The following PFKM variants were observed in gnomAD, a reference collection of about 807,000 sequenced individuals.
PFKM encodes the protein ATP-dependent 6-phosphofructokinase, muscle type.
A neutral mutation model predicts 95.5 loss-of-function variants in PFKM; 58 were observed. The observed-to-expected ratio is 0.61, with a 90% CI of 0.49 to 0.76. The LOEUF (loss-of-function observed/expected upper bound fraction) is 0.76. Ranked by LOEUF, PFKM falls within the 30% of genes least tolerant of loss-of-function variation. The pLI, the probability that PFKM is intolerant of heterozygous loss-of-function variation, is 0.00. For missense variants in PFKM, 678 were observed against 1,005.4 expected (o/e 0.67, Z 4.40); for synonymous variants, 336 against 357.2 (o/e 0.94, Z 0.67).
intron 2 of PFKM, chr12:48,107,531 G>A (rs1178940398): frequency 1.1e-6 from 1 of 933,004 alleles, no homozygotes. Context: ...CAGGATGTGA[G>A]GCTTTCTAGT....
At position 48,113,020 on chromosome 12, in the gene PFKM, T is replaced by C. The variant is rs1370509656; in HGVS notation, c.205+4826T>C. Among the ~76,000 whole-genome samples, 2 of 152,000 alleles carry C rather than the reference T, an allele frequency of 1.3e-5. 1 individual carries two copies. Among genetic ancestry groups the C allele is most frequent in the African/African-American group, 4.8e-5 (2 of 41,370 alleles). On this transcript the variant is annotated intron_variant, in intron 3 of 24. Transcript: ENST00000340802. ...CAAGGAGAGGATATGAAGGAGACTT[T>C]GAACTGGGAAAAAAGGCAGCAATGA...
At chr12:48,133,789 G>A (rs1565888007) in intron 6 of PFKM, among the ~76,000 whole-genome samples, 1 of 152,134 alleles carries the variant, frequency 6.6e-6, no homozygotes, top group Non-Finnish European at 1.5e-5. Flanking sequence ...CCAGACATGA[G>A]CTACGCTTTC....
rs1350163599 is a variant in PFKM, at chr12:48,137,825, C to T, written c.1041C>T (p.Pro347=). The T allele has an allele frequency of 3.1e-6, 5 of 1,614,058 alleles. No homozygotes were observed. The highest frequency in any genetic ancestry group is 4.2e-6 in the Non-Finnish European group (5 of 1,180,022). ...SLSGNQAVRL[P]LMECVQVTKD... is the part of the protein sequence containing the mutation. ...CTGGTAACCAGGCTGTGCGCCTGCC[C>T]CTCATGGAATGTGTCCAGGTGGTAA... Residue 347 remains proline (P), a synonymous_variant, in exon 11 of 23, where the codon CCC becomes CCT. Coordinates refer to ENST00000359794, the MANE Select transcript of PFKM (RefSeq NM_000289.6).
At chr12:48,135,612 T>TTTTTG (rs1950007957) in intron 10 of PFKM, among the ~76,000 whole-genome samples, 3 of 152,172 alleles carry the variant, frequency 2.0e-5, no homozygotes, top group African/African-American at 4.8e-5. Flanking sequence ...GAACAATATC[T>TTTTTG]TTTTGTTTTG....
chr12:48,141,282 G>A, intron 14 of PFKM, 29 bp from the exon 15 acceptor site: 1 of 1,607,348 alleles, frequency 6.2e-7, no homozygotes. Flanking sequence ...CTTTAGCCTT[G>A]TGCAGAGCTC....
chr12:48,129,299 A>G (rs1253089553), intron 2 of PFKM, among the ~76,000 whole-genome samples: 2 of 128,306 alleles, frequency 1.6e-5, no homozygotes, highest in African/African-American at 3.1e-5. Context: ...AGGCTCAAGC[A>G]GTCTTCCCAG....
At chr12:48,133,631 T>C in intron 6 of PFKM, 151 bp downstream of exon 6, 2 of 692,834 alleles carry the variant, frequency 2.9e-6, no homozygotes, top group South Asian at 3.3e-5. Flanking sequence ...CGAAAAATTA[T>C]CTAGAGCACT....
intron 18 of PFKM, among the ~76,000 whole-genome samples, chr12:48,143,432 G>A (rs1053599801): frequency 1.3e-5 from 2 of 152,278 alleles, no homozygotes; most frequent in Non-Finnish European, 2.9e-5. Context: ...CTGACACTGT[G>A]ACCACAAGTC....
chr12:48,120,385 T>C (rs186152452), intron 1 of PFKM, among the ~76,000 whole-genome samples: 32 of 152,324 alleles, frequency 2.1e-4, no homozygotes, highest in Non-Finnish European at 3.7e-4. Flanking sequence ...CAAGTATTTA[T>C]TGGGGTCCTG....
At chr12:48,108,256 T>G in intron 3 of PFKM, 1 of 1,512,204 alleles carries the variant, frequency 6.6e-7, no homozygotes, top group East Asian at 2.3e-5. Flanking sequence ...GAAAGTTGTA[T>G]GCATAGTATT....
At chr12:48,144,898 T>C (rs1186192914) in intron 20 of PFKM, 133 bp from the exon 21 acceptor site, 8 of 734,532 alleles carry the variant, frequency 1.1e-5, no homozygotes, top group Non-Finnish European at 1.4e-5. Context: ...CACCCTTTCA[T>C]AGTTTGACTT....
At chr12:48,105,591 G>C, upstream of PFKM, 1 of 470,196 alleles carries the variant, frequency 2.1e-6, no homozygotes, top group South Asian at 1.6e-5. Flanking sequence ...TATCACTCGG[G>C]TCTCAAGGAA....
intron 2 of PFKM, among the ~76,000 whole-genome samples, chr12:48,107,679 G>A (rs1243831521): frequency 1.3e-5 from 2 of 152,192 alleles, no homozygotes; most frequent in Admixed American, 6.5e-5. Context: ...AGATAAGGAG[G>A]ACTTGAGAGT....
In PFKM at chr12:48,145,533, TTA is replaced by T; in HGVS notation, c.2199-27_2199-26del. 1 of 1,613,504 alleles carries T rather than the reference TTA, an allele frequency of 6.2e-7. No homozygotes were observed. The highest frequency in any genetic ancestry group is 8.5e-7 in the Non-Finnish European group (1 of 1,179,510). ...AGAAGTTGATTGGGGTGCTAAAAGATTATATCATCATCTACCTCATTCCTCTG... is the reference window on the plus strand; with the variant it reads ...AGAAGTTGATTGGGGTGCTAAAAGATTATCATCATCTACCTCATTCCTCTG... On this transcript the variant is annotated intron_variant, in intron 22 of 22. Coordinates refer to ENST00000359794, the MANE Select transcript of PFKM (RefSeq NM_000289.6). The surrounding 1 kb of genome is among the most constrained non-coding windows in gnomAD (Gnocchi z 4.3).
intron 2 of PFKM, among the ~76,000 whole-genome samples, chr12:48,129,982 ATTG>A (rs1395701552): frequency 2.6e-5 from 4 of 152,210 alleles, no homozygotes; most frequent in Non-Finnish European, 5.9e-5. Flanking sequence ...CAATTCCAGG[ATTG>A]TTAACAGCAT....
At chr12:48,105,442 G>A (rs1012768097), upstream of PFKM, 2 of 519,064 alleles carry the variant, frequency 3.9e-6, no homozygotes, top group Non-Finnish European at 7.7e-6. Context: ...TGGCAGTTAA[G>A]GGGATTTTCA....
At chr12:48,125,772 A>G (rs1322679163) in intron 2 of PFKM, among the ~76,000 whole-genome samples, 4 of 152,106 alleles carry the variant, frequency 2.6e-5, no homozygotes, top group African/African-American at 4.8e-5. Flanking sequence ...TTCTATTTTT[A>G]AAGGTTCGCA....
chr12:48,112,072 C>T (rs951596853), intron 3 of PFKM, among the ~76,000 whole-genome samples: 20 of 152,092 alleles, frequency 1.3e-4, no homozygotes, highest in Non-Finnish European at 2.4e-4. Flanking sequence ...CTACAGGGCG[C>T]GGTCCTGGCT....
chr12:48,106,322 C>T, intron 1 of PFKM: 1 of 578,516 alleles, frequency 1.7e-6, no homozygotes, highest in East Asian at 3.0e-5. Context: ...GTTAGTGAGC[C>T]CTTCGTCCTA....
Sources: gnomAD v4.1 joint callset for allele counts (sites outside exome capture counted in the v4.1 genomes callset) on GRCh38, gnomAD v4.1.1 for gene constraint, Gnocchi (gnomAD v3.1) non-coding constraint, MANE v1.5 for transcripts, NCBI Gene and HGNC (gene_info 2026-07-23, HGNC 2026-07-21) for gene names.